USP47: variants seen among roughly 807,000 people sequenced by gnomAD.
The protein encoded by USP47 is ubiquitin specific peptidase 47, also known as ubiquitin carboxyl-terminal hydrolase 47.
A neutral mutation model predicts 165.1 loss-of-function variants in USP47; 35 were observed. The observed-to-expected ratio is 0.21, with a 90% confidence interval of 0.16 to 0.28. USP47 has a LOEUF of 0.28. USP47 is among the 10% of genes least tolerant of loss of function. The probability of loss-of-function intolerance (pLI) is 1.00; values close to 1 mark genes in which losing one functional copy is unlikely to be tolerated. For synonymous variants in USP47, 531 were observed against 544.5 expected (o/e 0.98, Z 0.35); for missense variants, 1,277 against 1,607.4 (o/e 0.79, Z 3.52).
rs1479437507 is a variant in USP47 at position 11,957,110 on chromosome 11, T to A, written c.*935T>A. On this transcript the variant is annotated 3_prime_UTR_variant, in exon 28 of 28. Coordinates refer to ENST00000527733, the MANE Select transcript of USP47 (RefSeq NM_001282659.2). ...GTTGCCCTTGTTAATGAGGTTTCTC[T>A]GTTCAGCGGCTTCAATTTTTTTCTC... 1 of 152,250 alleles carries A rather than the reference T, an allele frequency of 6.6e-6. No homozygotes were observed. Among genetic ancestry groups the A allele is most frequent in the African/African-American group, 2.4e-5 (1 of 41,468 alleles). 9.4% of individuals were successfully genotyped at this position (152,250 alleles called of 1,614,324 possible). A position where few individuals can be genotyped will look rare whatever the true frequency, so the allele number is the denominator to read the frequency against.
intron 20 of USP47, among the ~76,000 whole-genome samples, chr11:11,947,511 T>G (rs1855920461): frequency 6.6e-6 from 1 of 152,146 alleles, no homozygotes; most frequent in Non-Finnish European, 1.5e-5. Flanking sequence ...ATTGCAACAC[T>G]CAGGTGGGCA....
chr11:11,858,227 G>T (rs1849169510), intron 1 of USP47, among the ~76,000 whole-genome samples: 1 of 151,618 alleles, frequency 6.6e-6, no homozygotes, highest in Non-Finnish European at 1.5e-5. Context: ...CCAAGAACCT[G>T]GACATGCTCC....
Position 11,956,185 on chromosome 11 carries a change from T to A in USP47, c.*10T>A. The A allele has an allele frequency of 6.2e-7, 1 of 1,612,864 alleles. No homozygotes were observed. Among genetic ancestry groups the A allele is most frequent in the Non-Finnish European group, 8.5e-7 (1 of 1,179,652 alleles). On this transcript the variant is annotated 3_prime_UTR_variant, in exon 28 of 28. Coordinates refer to ENST00000527733, the MANE Select transcript of USP47 (RefSeq NM_001282659.2). ...TCTGACTCAAGACTGACTCTGATAG[T>A]GTAGCATTTTCCCTGGGGGAGTTTT... is the stretch of plus-strand genomic sequence containing the variant.
In USP47 at chr11:11,880,242, A is replaced by G; in HGVS notation, c.105A>G (p.Thr35=). ...TACAAGATACTACTAATTCAAAGAC[A>G]GTGAATGAACGGATCACTTTAAATT... ...CIIQDTTNSK[T]VNERITLNLP... The change falls in exon 2 of 28, where the codon ACA becomes ACG. Residue 35 remains threonine, a synonymous_variant. Transcript: ENST00000527733. The G allele has an allele frequency of 2.0e-6, 3 of 1,466,098 alleles. No homozygotes were observed. Among genetic ancestry groups the G allele is most frequent in the Non-Finnish European group, 2.7e-6 (3 of 1,120,318 alleles). The allele number at this position is 1,466,098 out of a possible 1,614,324, so 90.8% of individuals were successfully genotyped here. A position where few individuals can be genotyped will look rare whatever the true frequency, so the allele number is the denominator to read the frequency against.
intron 16 of USP47, among the ~76,000 whole-genome samples, chr11:11,935,068 C>T (rs1422624605): frequency 3.3e-5 from 5 of 152,040 alleles, no homozygotes; most frequent in African/African-American, 1.2e-4. Context: ...CTGTTGGAGC[C>T]TGGAAATAGG....
At position 11,938,247 on chromosome 11, in the gene USP47, A is replaced by T; in HGVS notation, c.2078-10A>T. The T allele has an allele frequency of 6.2e-7, 1 of 1,609,036 alleles. No homozygotes were observed. Among genetic ancestry groups the T allele is most frequent in the East Asian group, 2.2e-5 (1 of 44,764 alleles). On this transcript the variant is annotated splice_polypyrimidine_tract_variant and intron_variant, in intron 17 of 27. Coordinates refer to ENST00000527733, the MANE Select transcript of USP47 (RefSeq NM_001282659.2). Reference sequence around the variant, plus strand: ...CTCCAATTCTGTGTTTATGTCTTCAAATGTGACAGAAGTGATGGTGAAAGT... The same window carrying T: ...CTCCAATTCTGTGTTTATGTCTTCATATGTGACAGAAGTGATGGTGAAAGT...
intron 1 of USP47, among the ~76,000 whole-genome samples, chr11:11,860,949 C>T (rs1237765819): frequency 6.6e-6 from 1 of 152,126 alleles, no homozygotes; most frequent in East Asian, 1.9e-4. Flanking sequence ...ATTATACAGT[C>T]ATCAGAAGGC....
intron 1 of USP47, among the ~76,000 whole-genome samples, chr11:11,866,698 G>C (rs1176001396): frequency 1.3e-5 from 2 of 152,040 alleles, no homozygotes; most frequent in African/African-American, 2.4e-5. Flanking sequence ...AGAAATCTCT[G>C]TTTTTGCATT....
intron 1 of USP47, among the ~76,000 whole-genome samples, chr11:11,855,020 G>A (rs1264065464): frequency 2.0e-5 from 3 of 151,766 alleles, no homozygotes; most frequent in Non-Finnish European, 4.4e-5. Context: ...GTGTGAACCC[G>A]GGAGGCGGAG....
intron 1 of USP47, among the ~76,000 whole-genome samples, chr11:11,845,734 C>T (rs570999523): frequency 1.3e-5 from 2 of 152,272 alleles, no homozygotes; most frequent in South Asian, 4.1e-4. Context: ...TGGAGGTTTT[C>T]CACAGCATCA....
chr11:11,877,803 CTCTGTGTGTGTGTG>C (rs1399924200), intron 1 of USP47, among the ~76,000 whole-genome samples: 25 of 42,984 alleles, frequency 5.8e-4, no homozygotes, highest in African/African-American at 8.8e-4. Flanking sequence ...CTCTCTCTCT[CTCTGTGTGTGTGTG>C]TGTGTGTGTG....
At position 11,842,042 on chromosome 11, in the gene USP47, G is replaced by C; in HGVS notation, c.-144G>C. 3.9e-6 allele frequency: 4 copies of C among 1,018,540 alleles called. No homozygotes were observed. The highest frequency in any genetic ancestry group is 1.7e-5 in the South Asian group (1 of 59,622). The allele number at this position is 1,018,540 out of a possible 1,614,324, so 63.1% of individuals were successfully genotyped here. ...GGTCGGTGTCTGCGCGCTGGTGTCT[G>C]AGGCCCAGGCTGAGGCCTCCGCTAT... On this transcript the variant is annotated 5_prime_UTR_variant, in exon 1 of 28. Transcript: ENST00000527733.
At position 11,942,977 on chromosome 11, in the gene USP47, T is replaced by C. The variant is rs1259724448; in HGVS notation, c.2956T>C (p.Trp986Arg). 9 of 1,613,136 alleles carry C rather than the reference T, an allele frequency of 5.6e-6. No homozygotes were observed. Among genetic ancestry groups the C allele is most frequent in the Non-Finnish European group, 6.8e-6 (8 of 1,179,594 alleles). ...AGCAAATGAAGGGAAAAAAGAAACATGGGATACAGCAGAAGAAGACTCTGG... is the reference window on the plus strand; with the variant it reads ...AGCAAATGAAGGGAAAAAAGAAACACGGGATACAGCAGAAGAAGACTCTGG... Reference protein sequence around the residue: ...TKANEGKKETWDTAEEDSGTD... With the variant: ...TKANEGKKETRDTAEEDSGTD... The change falls in exon 20 of 28, where the codon TGG (tryptophan) becomes CGG (arginine). Residue 986 changes from tryptophan to arginine, a missense_variant. Physicochemically the swap from Trp to Arg is moderately radical, Grantham distance 101. This residue lies in a region of USP47 where 909 missense variants were observed against 1,068.1 expected (regional missense o/e 0.85). Coordinates refer to ENST00000527733, the MANE Select transcript of USP47 (RefSeq NM_001282659.2).
chr11:11,880,693 T>A (rs1850768720), intron 2 of USP47, among the ~76,000 whole-genome samples: 1 of 152,164 alleles, frequency 6.6e-6, no homozygotes, highest in Non-Finnish European at 1.5e-5. Flanking sequence ...ATGATCATCT[T>A]ATATTATTCC....
At chr11:11,842,536 G>A (rs553634167) in intron 1 of USP47, among the ~76,000 whole-genome samples, 107 of 152,328 alleles carry the variant, frequency 7.0e-4, no homozygotes, top group Non-Finnish European at 1.3e-3. Context: ...AACGTGTGGA[G>A]CCGGGAGAGA....
chr11:11,942,653 A>C lies in USP47; in HGVS notation c.2632A>C (p.Lys878Gln), dbSNP rs757482334. 6.2e-7 allele frequency: 1 copy of C among 1,613,564 alleles called. No homozygotes were observed. Among genetic ancestry groups the C allele is most frequent in the Non-Finnish European group, 8.5e-7 (1 of 1,179,776 alleles). The part of the protein sequence containing the change: ...QQDGDNGDSS[K>Q]STETSDFENI... Reference sequence around the variant, plus strand: ...GGATGGAGATAATGGGGACAGCAGCAAAAGTACTGAGACAAGTGACTTTGA... The same window carrying C: ...GGATGGAGATAATGGGGACAGCAGCCAAAGTACTGAGACAAGTGACTTTGA... The change falls in exon 20 of 28, where the codon AAA (lysine) becomes CAA (glutamine). Residue 878 changes from lysine (K) to glutamine (Q), a missense_variant. Coordinates refer to ENST00000527733, the MANE Select transcript of USP47 (RefSeq NM_001282659.2).
intron 1 of USP47, among the ~76,000 whole-genome samples, chr11:11,879,450 G>T (rs1829753020): frequency 2.6e-5 from 4 of 152,078 alleles, no homozygotes; most frequent in Admixed American, 1.3e-4. Flanking sequence ...GTGGAAAAGT[G>T]GTGTCCTTTA....
chr11:11,942,205 T>C (rs1855522354), intron 19 of USP47, 130 bp from the exon 20 acceptor site: 1 of 1,107,736 alleles, frequency 9.0e-7, no homozygotes, highest in African/African-American at 1.6e-5. Flanking sequence ...ATAGAGTCCT[T>C]CAGAAACTAT....
chr11:11,859,718 G>GTTCTC (rs1330548222), intron 1 of USP47, among the ~76,000 whole-genome samples: 3 of 152,114 alleles, frequency 2.0e-5, no homozygotes, highest in Admixed American at 2.0e-4. Context: ...TTTAAGGGTA[G>GTTCTC]TAACTGATAG....
Sources: allele counts gnomAD v4.1 joint callset (sites outside exome capture counted in the v4.1 genomes callset), GRCh38; gene constraint gnomAD v4.1.1; regional missense constraint gnomAD v4.1.1; transcripts MANE v1.5; gene names NCBI Gene and HGNC (gene_info 2026-07-23, HGNC 2026-07-21).